The following RFX8 variants were observed in gnomAD, a reference collection of about 807,000 sequenced individuals.
The protein encoded by RFX8 is DNA-binding protein RFX8.
RFX8 carries 46 observed loss-of-function variants against 54.6 expected under a neutral mutation model. The observed-to-expected ratio is 0.84, with a 90% CI of 0.67 to 1.08. The LOEUF (loss-of-function observed/expected upper bound fraction) is 1.08. RFX8 is among the 50% of genes least tolerant of loss of function. The pLI is 0.00. For synonymous variants in RFX8, 192 were observed against 209.5 expected (o/e 0.92, Z 0.72); for missense variants, 536 against 562.3 (o/e 0.95, Z 0.47).
At chr2:101,419,417 C>T (rs1686727541) in intron 4 of RFX8, among the ~76,000 whole-genome samples, 1 of 152,148 alleles carries the variant, frequency 6.6e-6, no homozygotes, top group Non-Finnish European at 1.5e-5. Flanking sequence ...AGTCACCTAA[C>T]GACTGTGGAA....
rs943040429 is a variant in RFX8 at position 101,474,733 on chromosome 2, C to G, written c.-150G>C. The G allele has an allele frequency of 5.2e-5, 8 of 153,430 alleles. No homozygotes were observed. The highest frequency in any genetic ancestry group is 2.1e-4 in the South Asian group (1 of 4,830). The allele number at this position is 153,430 out of a possible 1,614,324, so 9.5% of individuals were successfully genotyped here. A position where few individuals can be genotyped will look rare whatever the true frequency, so the allele number is the denominator to read the frequency against. On this transcript the variant is annotated 5_prime_UTR_variant, in exon 1 of 12. Transcript: ENST00000428343. The stretch of plus-strand genomic sequence containing the variant: ...GCAGTTTTCAAAAATATTGATACCC[C>G]GGCTGCCGCTCCCCATCCCAGCCCC...
chr2:101,438,872 C>T (rs1425937461), intron 2 of RFX8, among the ~76,000 whole-genome samples: 5 of 152,214 alleles, frequency 3.3e-5, no homozygotes, highest in Admixed American at 2.6e-4. Context: ...AGTGCAATGG[C>T]GTAATCTTGG....
chr2:101,406,394 C>G (rs1029761322), intron 9 of RFX8, among the ~76,000 whole-genome samples: 1 of 151,198 alleles, frequency 6.6e-6, no homozygotes, highest in Non-Finnish European at 1.5e-5. Context: ...TGCAGTGGCA[C>G]GATCTTGGCC....
At chr2:101,450,892 T>C (rs1201642452) in intron 2 of RFX8, among the ~76,000 whole-genome samples, 1 of 152,158 alleles carries the variant, frequency 6.6e-6, no homozygotes, top group African/African-American at 2.4e-5. Context: ...AGCCTTGAAA[T>C]AGGCTTGTGG....
intron 2 of RFX8, chr2:101,450,752 C>G (rs999507326): frequency 1.3e-6 from 1 of 771,514 alleles, no homozygotes; most frequent in African/African-American, 1.7e-5. Context: ...AGAGAATAGG[C>G]GAACTAATGA....
chr2:101,451,560 G>T, intron 2 of RFX8, among the ~76,000 whole-genome samples: 1 of 151,346 alleles, frequency 6.6e-6, no homozygotes, highest in Non-Finnish European at 1.5e-5. Context: ...GTGGTGGCAG[G>T]CGCCTGTAAT....
chr2:101,410,788 GGGT>G, intron 8 of RFX8, 75 bp from the exon 9 acceptor site: 1 of 751,960 alleles, frequency 1.3e-6, no homozygotes, highest in Non-Finnish European at 2.3e-6. Context: ...TTTGTGTACT[GGGT>G]AACCTGGAAA....
chr2:101,406,759 C>T (rs1006922070), intron 9 of RFX8, among the ~76,000 whole-genome samples: 1 of 152,148 alleles, frequency 6.6e-6, no homozygotes, highest in Admixed American at 6.5e-5. Flanking sequence ...CTGTTTTATT[C>T]CTGCACTTCT....
Position 101,421,721 on chromosome 2 carries a change from C to T in RFX8, c.237+3G>A. The T allele has an allele frequency of 1.3e-6, 2 of 1,550,420 alleles. No homozygotes were observed. Among genetic ancestry groups the T allele is most frequent in the Non-Finnish European group, 1.7e-6 (2 of 1,146,272 alleles). ...CTACCCTCTCAAGTTCTCAGTTCCT[C>T]ACATTTCGTAAAATGTCTCGACAAT... On this transcript the variant is annotated splice_donor_region_variant and intron_variant, in intron 4 of 11. Transcript: ENST00000428343.
At chr2:101,408,094 GCAC>G (rs2104533596) in intron 9 of RFX8, among the ~76,000 whole-genome samples, 1 of 152,294 alleles carries the variant, frequency 6.6e-6, no homozygotes, top group East Asian at 1.9e-4. Flanking sequence ...AGGGCTGAAG[GCAC>G]AACGATGGAG....
In RFX8 at chr2:101,417,545, G is replaced by A; in HGVS notation, c.491C>T (p.Ser164Phe). Reference protein sequence around the residue: ...LEGVPALLQISKLKEVTLFVK... With the variant: ...LEGVPALLQIFKLKEVTLFVK... The stretch of plus-strand genomic sequence containing the variant: ...TCATCGAAACCTACCTTTGAGTTTG[G>A]AGATCTGCAAGAGGGCTGGAACACC... Residue 164 changes from serine to phenylalanine, a missense_variant, in exon 6 of 12, where the codon TCC becomes TTC. Physicochemically the swap from Ser to Phe is radical, Grantham distance 155. Transcript: ENST00000428343. The A allele has an allele frequency of 6.5e-7, 1 of 1,547,882 alleles. No homozygotes were observed.
At chr2:101,450,688 A>G (rs1206139936) in intron 2 of RFX8, 2 of 1,419,300 alleles carry the variant, frequency 1.4e-6, no homozygotes, top group South Asian at 2.5e-5. Context: ...TACCTGGAAA[A>G]ATAAAGGTTG....
intron 2 of RFX8, among the ~76,000 whole-genome samples, chr2:101,434,255 A>G (rs1197333122): frequency 6.6e-6 from 1 of 152,244 alleles, no homozygotes; most frequent in African/African-American, 2.4e-5. Context: ...ACAAGAAGCA[A>G]AAAGTAAGAT....
chr2:101,449,989 C>T (rs1373911450), intron 2 of RFX8, among the ~76,000 whole-genome samples: 4 of 151,840 alleles, frequency 2.6e-5, no homozygotes, highest in Non-Finnish European at 5.9e-5. Context: ...AGGATAGACT[C>T]AGCGAAAAAT....
intron 2 of RFX8, among the ~76,000 whole-genome samples, chr2:101,444,841 T>C (rs764844170): frequency 2.0e-5 from 3 of 152,216 alleles, no homozygotes; most frequent in Non-Finnish European, 2.9e-5. Context: ...TGCCAGATGC[T>C]GCACTAAGCA....
chr2:101,419,295 A>T (rs899806314), intron 4 of RFX8, among the ~76,000 whole-genome samples: 1 of 152,202 alleles, frequency 6.6e-6, no homozygotes, highest in Non-Finnish European at 1.5e-5. Flanking sequence ...CACAGCCCAG[A>T]GAGAATAAAT....
chr2:101,441,152 A>C (rs1573438422), intron 2 of RFX8, among the ~76,000 whole-genome samples: 3 of 152,126 alleles, frequency 2.0e-5, no homozygotes, highest in Admixed American at 6.5e-5. Context: ...TTGTATTTTT[A>C]GTACAGACGG....
chr2:101,402,523 G>T lies in RFX8; in HGVS notation c.1158C>A (p.His386Gln). 3.2e-6 allele frequency: 5 copies of T among 1,551,800 alleles called. No individual in the cohort carries two copies. Among genetic ancestry groups the T allele is most frequent in the Non-Finnish European group, 4.4e-6 (5 of 1,147,008 alleles). Residue 386 changes from histidine (H) to glutamine (Q), a missense_variant, in exon 11 of 12, where the codon CAC (histidine) becomes CAA (glutamine). Transcript: ENST00000428343. ...CCACGGGATATCGGCCCTGGCCCAT[G>T]TGTGTGGGCATCACCCCCAGTGGCT... Reference protein sequence around the residue: ...SMEPLGVMPTHMGQGRYPVGV... With the variant: ...SMEPLGVMPTQMGQGRYPVGV...
At chr2:101,398,246 A>T (rs1422398332) in intron 11 of RFX8, among the ~76,000 whole-genome samples, 1 of 152,212 alleles carries the variant, frequency 6.6e-6, no homozygotes, top group African/African-American at 2.4e-5. Context: ...CAAGGCAGGG[A>T]TGGTGCAGGG....
Sources: gnomAD v4.1 joint callset for allele counts (sites outside exome capture counted in the v4.1 genomes callset) on GRCh38, gnomAD v4.1.1 for gene constraint, MANE v1.5 for transcripts, NCBI Gene and HGNC (gene_info 2026-07-23, HGNC 2026-07-21) for gene names.